The following HIPK2 variants were observed in gnomAD, a reference collection of about 807,000 sequenced individuals.
HIPK2 encodes homeodomain interacting protein kinase 2, also known as homeodomain-interacting protein kinase 2.
Under a neutral mutation model 113.7 loss-of-function variants are expected in HIPK2, and 27 were observed. The ratio of observed to expected loss-of-function variants is 0.24; its 90% CI spans 0.17 to 0.33. The LOEUF is 0.33. Ranked by LOEUF, HIPK2 falls within the 10% of genes least tolerant of loss-of-function variation. HIPK2 has a pLI of 1.00. For missense variants in HIPK2, 1,257 were observed against 1,588.0 expected (o/e 0.79, Z 3.54); for synonymous variants, 631 against 642.2 (o/e 0.98, Z 0.26).
chr7:139,650,763 G>A (rs1369780518), intron 2 of HIPK2, among the ~76,000 whole-genome samples: 2 of 152,242 alleles, frequency 1.3e-5, no homozygotes, highest in East Asian at 3.8e-4. Flanking sequence ...ACCCTCAATG[G>A]CCCTGTGGAG....
In HIPK2 at chr7:139,681,792, T is replaced by C. The variant is rs73733182; in HGVS notation, c.1103+34140A>G. Among the ~76,000 whole-genome samples, 1,242 of 152,264 alleles carry C rather than the reference T, an allele frequency of 8.2e-3. 20 individuals carry two copies. The highest frequency in any genetic ancestry group is 0.028 in the African/African-American group (1,177 of 41,542). On this transcript the variant is annotated intron_variant, in intron 2 of 14. Coordinates refer to ENST00000406875, the MANE Select transcript of HIPK2 (RefSeq NM_022740.5). ...TTCCATGCACCAAGCCCTGGGTCCA[T>C]GCAGCCACCACTGCTCCAGGGAGCA...
At chr7:139,587,667 C>T (rs1798882346) in intron 12 of HIPK2, among the ~76,000 whole-genome samples, 1 of 151,796 alleles carries the variant, frequency 6.6e-6, no homozygotes, top group African/African-American at 2.4e-5. Flanking sequence ...GCGCTTGAGG[C>T]CAGAAGTTTG....
chr7:139,767,681 C>T lies in HIPK2; in HGVS notation c.19+9924G>A, dbSNP rs77188584. 7.2e-3 allele frequency among the ~76,000 whole-genome samples: 1,092 copies of T among 152,344 alleles called. 15 individuals carry two copies. Among genetic ancestry groups the T allele is most frequent in the African/African-American group, 0.025 (1,024 of 41,570 alleles). The stretch of plus-strand genomic sequence containing the variant: ...AAATGGGTCAGTTTCATCAGCTTTG[C>T]TTTAGGAAGCAATCATATGTATGAG... On this transcript the variant is annotated intron_variant, in intron 1 of 14. Transcript: ENST00000406875.
intron 2 of HIPK2, among the ~76,000 whole-genome samples, chr7:139,680,105 C>G (rs1285671318): frequency 6.6e-6 from 1 of 152,142 alleles, no homozygotes; most frequent in Non-Finnish European, 1.5e-5. Flanking sequence ...CTTAAGAATG[C>G]CTGTTCCCCT....
intron 2 of HIPK2, among the ~76,000 whole-genome samples, chr7:139,700,380 C>T (rs1028017592): frequency 7.0e-4 from 106 of 152,206 alleles, no homozygotes; most frequent in African/African-American, 2.3e-3. Flanking sequence ...GTGATGGGGA[C>T]AATAAGGCTG....
At chr7:139,773,161 A>G (rs1796681445) in intron 1 of HIPK2, among the ~76,000 whole-genome samples, 1 of 152,186 alleles carries the variant, frequency 6.6e-6, no homozygotes. Context: ...TCGTCTGTCA[A>G]GAGGTGGAAC....
At chr7:139,667,205 C>A (rs1048036990) in intron 2 of HIPK2, among the ~76,000 whole-genome samples, 1 of 151,998 alleles carries the variant, frequency 6.6e-6, no homozygotes, top group Admixed American at 6.5e-5. Context: ...CTATAGTTAC[C>A]CTTGCATAGT....
chr7:139,623,025 G>A (rs566087140), intron 6 of HIPK2, among the ~76,000 whole-genome samples: 75 of 152,334 alleles, frequency 4.9e-4, no homozygotes, highest in African/African-American at 1.7e-3. Flanking sequence ...AGACGGCTAA[G>A]AGGACCTCTG....
intron 2 of HIPK2, among the ~76,000 whole-genome samples, chr7:139,655,583 TTCTC>T (rs1194259440): frequency 6.6e-6 from 1 of 152,194 alleles, no homozygotes; most frequent in Non-Finnish European, 1.5e-5. Context: ...CCTTGGCCCT[TTCTC>T]TCCTTCTTCC....
At chr7:139,758,610 T>A (rs538219821) in intron 1 of HIPK2, among the ~76,000 whole-genome samples, 8 of 152,152 alleles carry the variant, frequency 5.3e-5, no homozygotes, top group African/African-American at 1.9e-4. Flanking sequence ...AGATCAGCAG[T>A]GGCATCAGAT....
At chr7:139,663,088 C>T (rs1801923411) in intron 2 of HIPK2, among the ~76,000 whole-genome samples, 1 of 152,156 alleles carries the variant, frequency 6.6e-6, no homozygotes, top group East Asian at 1.9e-4. Flanking sequence ...ACCTTCGACA[C>T]TAATTCCTGC....
Position 139,683,498 on chromosome 7 carries a change from C to T in HIPK2, c.1103+32434G>A, listed in dbSNP as rs2116725078. Among the ~76,000 whole-genome samples, 1 of 150,900 alleles carries T rather than the reference C, an allele frequency of 6.6e-6. No individual in the cohort carries two copies. The highest frequency in any genetic ancestry group is 6.6e-5 in the Admixed American group (1 of 15,258). ...AACACGGGAGCCAAAGCGAGAAATA[C>T]CAGAGAGAGAGACACACGCATACCA... On this transcript the variant is annotated intron_variant, in intron 2 of 14. Coordinates refer to ENST00000406875, the MANE Select transcript of HIPK2 (RefSeq NM_022740.5). The surrounding 1 kb of genome is among the most constrained non-coding windows in gnomAD (Gnocchi z 4.2).
chr7:139,679,668 A>G (rs1176700681), intron 2 of HIPK2, among the ~76,000 whole-genome samples: 1 of 152,172 alleles, frequency 6.6e-6, no homozygotes, highest in Non-Finnish European at 1.5e-5. Flanking sequence ...CATTCAGCAA[A>G]TGTTAATATT....
At chr7:139,581,418 T>C (rs1798665615) in intron 13 of HIPK2, among the ~76,000 whole-genome samples, 1 of 152,188 alleles carries the variant, frequency 6.6e-6, no homozygotes, top group Non-Finnish European at 1.5e-5. Context: ...TGTTGAACTT[T>C]CCCTTAGCCC....
intron 2 of HIPK2, among the ~76,000 whole-genome samples, chr7:139,640,481 T>C (rs1800972607): frequency 6.6e-6 from 1 of 152,184 alleles, no homozygotes; most frequent in Non-Finnish European, 1.5e-5. Context: ...ACTGGTTGTG[T>C]ACCTACTTCT....
chr7:139,634,755 G>A (rs1323369617), intron 2 of HIPK2, among the ~76,000 whole-genome samples: 1 of 136,960 alleles, frequency 7.3e-6, no homozygotes, highest in East Asian at 2.1e-4. Context: ...TTGGCTCACT[G>A]CAACCTCCAC....
intron 1 of HIPK2, among the ~76,000 whole-genome samples, chr7:139,738,237 G>C (rs1044460629): frequency 6.6e-6 from 1 of 152,252 alleles, no homozygotes; most frequent in African/African-American, 2.4e-5. Flanking sequence ...TATTGTATCA[G>C]TGTTACATTC....
intron 2 of HIPK2, among the ~76,000 whole-genome samples, chr7:139,696,560 G>T (rs1288904870): frequency 6.8e-6 from 1 of 146,040 alleles, no homozygotes; most frequent in South Asian, 2.3e-4. Flanking sequence ...TTTAGCCAGG[G>T]TGACTGAATG....
chr7:139,684,668 G>A (rs1585376796), intron 2 of HIPK2, among the ~76,000 whole-genome samples: 2 of 152,322 alleles, frequency 1.3e-5, no homozygotes, highest in East Asian at 1.9e-4. Context: ...AGTAGCCTAT[G>A]ATTGCACCAA....
Sources: gnomAD v4.1 joint callset for allele counts (sites outside exome capture counted in the v4.1 genomes callset) on GRCh38, gnomAD v4.1.1 for gene constraint, Gnocchi (gnomAD v3.1) non-coding constraint, MANE v1.5 for transcripts, NCBI Gene and HGNC (gene_info 2026-07-23, HGNC 2026-07-21) for gene names.